MARK2: variants seen among roughly 807,000 people sequenced by gnomAD.
MARK2 encodes microtubule affinity regulating kinase 2.
MARK2 carries 16 observed loss-of-function variants against 89.8 expected under a neutral mutation model. That is an observed-to-expected ratio of 0.18 (90% CI 0.12 to 0.27). The LOEUF (loss-of-function observed/expected upper bound fraction) is 0.27. Among genes scored for constraint, MARK2 ranks in the 10% least tolerant of loss-of-function variants. The pLI, the probability that MARK2 is intolerant of heterozygous loss-of-function variation, is 1.00. For missense variants in MARK2, 621 were observed against 1,049.9 expected, an observed-to-expected ratio of 0.59 and a Z score of 5.65; for synonymous variants, 382 against 399.5, an observed-to-expected ratio of 0.96 and a Z score of 0.52.
At chr11:63,856,308 GTTTTTTTTTTTTGT>G (rs1284383245) in intron 1 of MARK2, among the ~76,000 whole-genome samples, 30 of 87,270 alleles carry the variant, frequency 3.4e-4, no homozygotes, top group African/African-American at 9.9e-4. Context: ...GGCCCTGTGG[GTTTTTTTTTTTTGT>G]TTTTTTTTTT....
intron 1 of MARK2, among the ~76,000 whole-genome samples, chr11:63,867,334 T>TA (rs772352970): frequency 2.0e-5 from 3 of 152,236 alleles, no homozygotes; most frequent in Non-Finnish European, 4.4e-5. Flanking sequence ...GGCCAAGGTA[T>TA]AGTTTTATGA....
chr11:63,878,924 C>T (rs1218698660), intron 1 of MARK2, among the ~76,000 whole-genome samples: 1 of 152,164 alleles, frequency 6.6e-6, no homozygotes. Context: ...AAAAGAGTTC[C>T]TTCTTAGAAC....
chr11:63,871,663 G>C (rs867007597), intron 1 of MARK2, among the ~76,000 whole-genome samples: 88 of 122,176 alleles, frequency 7.2e-4, no homozygotes, highest in African/African-American at 2.7e-3. Flanking sequence ...GCAGGTGTGG[G>C]TGAAGAGTAT....
intron 1 of MARK2, among the ~76,000 whole-genome samples, chr11:63,868,225 C>T (rs1323960511): frequency 6.6e-6 from 1 of 151,830 alleles, no homozygotes; most frequent in African/African-American, 2.4e-5. Flanking sequence ...AACCCTGTCT[C>T]TATAAAAAAT....
chr11:63,851,214 G>C (rs1327633624), intron 1 of MARK2, among the ~76,000 whole-genome samples: 2 of 152,152 alleles, frequency 1.3e-5, no homozygotes, highest in East Asian at 1.9e-4. Context: ...TTCATCTCTT[G>C]TCATTTCTGG....
intron 1 of MARK2, among the ~76,000 whole-genome samples, chr11:63,850,681 A>C (rs2016531421): frequency 6.6e-6 from 1 of 152,162 alleles, no homozygotes; most frequent in African/African-American, 2.4e-5. Flanking sequence ...CGTGGCTAGA[A>C]GGCCAAATCC....
intron 1 of MARK2, among the ~76,000 whole-genome samples, chr11:63,884,145 G>A (rs1939260041): frequency 6.6e-6 from 1 of 152,146 alleles, no homozygotes; most frequent in Non-Finnish European, 1.5e-5. Context: ...GCTCAACAAA[G>A]GTTTGCTAGG....
In MARK2 at chr11:63,898,347, T is replaced by G. The variant is rs188510488; in HGVS notation, c.337+67T>G. The G allele has an allele frequency of 4.4e-3, 6,479 of 1,479,938 alleles. 25 individuals carry two copies. The highest frequency in any genetic ancestry group is 5.2e-3 in the Non-Finnish European group (5,497 of 1,058,188). 91.7% of individuals were successfully genotyped at this position (1,479,938 alleles called of 1,614,324 possible). ...AGGCACTGCTTTCCAGCATGTCATC[T>G]TCTCCCCGAGGTGCACTGCCTTCTG... is the stretch of plus-strand genomic sequence containing the variant. On this transcript the variant is annotated intron_variant, in intron 4 of 18. Coordinates refer to ENST00000402010, the MANE Select transcript of MARK2 (RefSeq NM_001039469.3).
rs1042875365 is a variant in MARK2, at chr11:63,904,665, G to A, written c.1677-121G>A. The A allele has an allele frequency of 7.0e-5, 56 of 797,106 alleles. No homozygotes were observed. In the Admixed American group the frequency reaches 7.3e-4, roughly 10 times the overall value. 49.4% of individuals were successfully genotyped at this position (797,106 alleles called of 1,614,324 possible). A position where few individuals can be genotyped will look rare whatever the true frequency, so the allele number is the denominator to read the frequency against. On this transcript the variant is annotated intron_variant, in intron 15 of 18. Transcript: ENST00000402010. This position sits in a 1 kb window ranked among gnomAD's most constrained non-coding sequence, Gnocchi z 6.3. Reference sequence around the variant, plus strand: ...GTCACACCCTTCCTTCTGTGTCCTCGTGATGGCTGCCTCTGCCCTAGCATC... The same window carrying A: ...GTCACACCCTTCCTTCTGTGTCCTCATGATGGCTGCCTCTGCCCTAGCATC...
At chr11:63,843,726 C>T (rs915720390) in intron 1 of MARK2, among the ~76,000 whole-genome samples, 1 of 151,898 alleles carries the variant, frequency 6.6e-6, no homozygotes, top group Non-Finnish European at 1.5e-5. Flanking sequence ...CCGGGTCAAG[C>T]GATTCTCCTG....
intron 16 of MARK2, 100 bp downstream of exon 16, chr11:63,905,143 T>G: frequency 7.4e-7 from 1 of 1,349,602 alleles, no homozygotes; most frequent in Non-Finnish European, 1.0e-6. Context: ...GGACACTCTG[T>G]ACCGGTATTG....
At chr11:63,842,079 C>G (rs1346463515) in intron 1 of MARK2, among the ~76,000 whole-genome samples, 1 of 152,192 alleles carries the variant, frequency 6.6e-6, no homozygotes, top group Non-Finnish European at 1.5e-5. Context: ...CTTAGATTCT[C>G]CTTAGCCCCT....
At chr11:63,890,394 A>G (rs1251580719) in intron 1 of MARK2, 6 of 577,108 alleles carry the variant, frequency 1.0e-5, no homozygotes, top group African/African-American at 1.9e-5. Flanking sequence ...TCAAAGAGCA[A>G]GCACCAGTGC....
In MARK2 at chr11:63,900,751, C is replaced by G; in HGVS notation, c.889-29C>G. The G allele has an allele frequency of 6.2e-7, 1 of 1,613,870 alleles. No homozygotes were observed. Among genetic ancestry groups the G allele is most frequent in the Non-Finnish European group, 8.5e-7 (1 of 1,179,742 alleles). The stretch of plus-strand genomic sequence containing the variant: ...AACTTTCCAGCTGAGTTTCTTCCCC[C>G]TGCCCTTTTCCTTCTCTGTGCTCCC... On this transcript the variant is annotated intron_variant, in intron 9 of 18. Coordinates refer to ENST00000402010, the MANE Select transcript of MARK2 (RefSeq NM_001039469.3). This position sits in a 1 kb window ranked among gnomAD's most constrained non-coding sequence, Gnocchi z 4.7.
At chr11:63,839,854 T>A (rs536004285) in intron 1 of MARK2, among the ~76,000 whole-genome samples, 1 of 152,136 alleles carries the variant, frequency 6.6e-6, no homozygotes, top group Admixed American at 6.5e-5. Flanking sequence ...CTTCCCTTTT[T>A]CTCTCAGGGG....
chr11:63,863,218 G>C (rs771833043), intron 1 of MARK2, among the ~76,000 whole-genome samples: 3 of 151,984 alleles, frequency 2.0e-5, no homozygotes, highest in Non-Finnish European at 4.4e-5. Flanking sequence ...TGCTGAAGCC[G>C]GTCCCCATAG....
At chr11:63,874,480 A>G (rs941900846) in intron 1 of MARK2, among the ~76,000 whole-genome samples, 3 of 152,126 alleles carry the variant, frequency 2.0e-5, no homozygotes, top group African/African-American at 7.2e-5. Context: ...TCCACCCCCA[A>G]AAAACCCAAA....
In MARK2 at chr11:63,901,085, C is replaced by T. The variant is rs224174; in HGVS notation, c.1101+16C>T. ...GAGCTCCGAGGTGTGTGCTCCCCGC[C>T]CCATTCTCTGACCTGGCCAGCCTCA... On this transcript the variant is annotated intron_variant, in intron 11 of 18. Coordinates refer to ENST00000402010, the MANE Select transcript of MARK2 (RefSeq NM_001039469.3). 1 allele frequency: 1,561,241 copies of T among 1,564,400 alleles called. 779,097 individuals carry two copies. Among genetic ancestry groups the T allele is most frequent in the East Asian group, 1 (44,640 of 44,640 alleles).
chr11:63,851,497 T>C (rs1028729795), intron 1 of MARK2, among the ~76,000 whole-genome samples: 1 of 137,358 alleles, frequency 7.3e-6, no homozygotes, highest in East Asian at 2.8e-4. Context: ...ACCCCTCTGC[T>C]GACTTGTTTC....
Sources: gnomAD v4.1 joint callset for allele counts (sites outside exome capture counted in the v4.1 genomes callset) on GRCh38, gnomAD v4.1.1 for gene constraint, Gnocchi (gnomAD v3.1) non-coding constraint, MANE v1.5 for transcripts, NCBI Gene and HGNC (gene_info 2026-07-23, HGNC 2026-07-21) for gene names.